RBMS3: variants seen among roughly 807,000 people sequenced by gnomAD.
RBMS3 encodes the protein RNA binding motif single stranded interacting protein 3, also known as RNA-binding motif, single-stranded-interacting protein 3.
A neutral mutation model predicts 66.8 loss-of-function variants in RBMS3; 27 were observed. That is an observed-to-expected ratio of 0.40 (90% confidence interval 0.30 to 0.56). RBMS3 has a LOEUF of 0.56. Among genes scored for constraint, RBMS3 ranks in the 20% least tolerant of loss-of-function variants. The probability of loss-of-function intolerance (pLI) is 0.40; values close to 1 mark genes in which losing one functional copy is unlikely to be tolerated. For synonymous variants in RBMS3, 188 were observed against 183.0 expected, an observed-to-expected ratio of 1.03 and a Z score of -0.22; for missense variants, 513 against 549.5, an observed-to-expected ratio of 0.93 and a Z score of 0.66.
At chr3:29,900,035 C>T (rs1394127766) in intron 10 of RBMS3, among the ~76,000 whole-genome samples, 1 of 151,570 alleles carries the variant, frequency 6.6e-6, no homozygotes, top group Non-Finnish European at 1.5e-5. Context: ...GAAGAAATAG[C>T]AATCAACCAT....
At chr3:29,967,751 T>C (rs1198310253) in intron 12 of RBMS3, among the ~76,000 whole-genome samples, 2 of 152,226 alleles carry the variant, frequency 1.3e-5, no homozygotes, top group Non-Finnish European at 2.9e-5. Flanking sequence ...CTAGTTTATG[T>C]GTGTAAATGT....
chr3:29,850,951 C>T (rs1438395093), intron 6 of RBMS3, among the ~76,000 whole-genome samples: 1 of 152,188 alleles, frequency 6.6e-6, no homozygotes, highest in Non-Finnish European at 1.5e-5. Flanking sequence ...GCTGAGTACA[C>T]ACTAACCTCA....
intron 10 of RBMS3, among the ~76,000 whole-genome samples, chr3:29,916,268 A>G (rs1396027928): frequency 6.6e-6 from 1 of 151,982 alleles, no homozygotes; most frequent in Non-Finnish European, 1.5e-5. Context: ...TTTTGGTGCT[A>G]TACAGATTCA....
At chr3:29,625,557 G>A (rs921967460) in intron 4 of RBMS3, among the ~76,000 whole-genome samples, 4 of 152,012 alleles carry the variant, frequency 2.6e-5, no homozygotes, top group Non-Finnish European at 4.4e-5. Flanking sequence ...ACTGGGCTGG[G>A]TGTGGTGGTG....
At chr3:29,650,279 C>CTT (rs560594950) in intron 4 of RBMS3, among the ~76,000 whole-genome samples, 43 of 96,212 alleles carry the variant, frequency 4.5e-4, no homozygotes, top group African/African-American at 1.1e-3. Context: ...TCCTTTCTTT[C>CTT]TTTTTTTTTT....
At position 30,007,286 on chromosome 3, in the gene RBMS3, C is replaced by T. The variant is rs1413397110; in HGVS notation, c.*3424C>T. The T allele has an allele frequency of 2.0e-5, 3 of 151,896 alleles. No homozygotes were observed. The highest frequency in any genetic ancestry group is 2.9e-5 in the Non-Finnish European group (2 of 67,942). 9.4% of individuals were successfully genotyped at this position (151,896 alleles called of 1,614,324 possible). ...TGTTTGTTTGTTTGAGACGGAGTCT[C>T]GCTCTGTCGCCCATCCTAACTAGGA... On this transcript the variant is annotated 3_prime_UTR_variant, in exon 15 of 15. Coordinates refer to ENST00000383767, the MANE Select transcript of RBMS3 (RefSeq NM_001003793.3).
intron 3 of RBMS3, among the ~76,000 whole-genome samples, chr3:29,585,200 C>T (rs906534493): frequency 1.3e-5 from 2 of 152,082 alleles, no homozygotes; most frequent in African/African-American, 2.4e-5. Context: ...GATTGGCCAA[C>T]GTGTAAGGTA....
intron 3 of RBMS3, among the ~76,000 whole-genome samples, chr3:29,572,885 G>A (rs2046992660): frequency 6.6e-6 from 1 of 152,088 alleles, no homozygotes; most frequent in South Asian, 2.1e-4. Context: ...CAGTGAATCT[G>A]TTGGGTCCTG....
At chr3:29,975,545 C>T (rs147092964) in intron 12 of RBMS3, among the ~76,000 whole-genome samples, 160 of 151,820 alleles carry the variant, frequency 1.1e-3, no homozygotes, top group African/African-American at 3.7e-3. Context: ...TGCATATTAT[C>T]GTTTACATCA....
At chr3:29,760,855 T>G (rs1041495054) in intron 5 of RBMS3, among the ~76,000 whole-genome samples, 2 of 152,086 alleles carry the variant, frequency 1.3e-5, no homozygotes, top group African/African-American at 4.8e-5. Context: ...AAAATGCTGT[T>G]TTTGTTTTTA....
chr3:29,884,276 A>T (rs1393965452), intron 8 of RBMS3, 68 bp downstream of exon 8: 14 of 1,422,182 alleles, frequency 9.8e-6, no homozygotes, highest in Non-Finnish European at 1.3e-5. Context: ...AACATCAAAG[A>T]AAAATGTTAA....
At chr3:29,847,648 T>TA (rs1454463816) in intron 6 of RBMS3, among the ~76,000 whole-genome samples, 1 of 151,844 alleles carries the variant, frequency 6.6e-6, no homozygotes, top group African/African-American at 2.4e-5. Context: ...GTGTTTTATT[T>TA]TTTTTTTTTT....
intron 12 of RBMS3, among the ~76,000 whole-genome samples, chr3:29,944,619 C>T (rs1431136595): frequency 6.6e-6 from 1 of 151,554 alleles, no homozygotes; most frequent in Non-Finnish European, 1.5e-5. Context: ...AAAGACGGCA[C>T]AGATTAATAA....
chr3:29,701,277 CAAAAG>C (rs1206089177), intron 4 of RBMS3, among the ~76,000 whole-genome samples: 1 of 145,814 alleles, frequency 6.9e-6, no homozygotes, highest in Non-Finnish European at 1.5e-5. Context: ...GACTCTGTCT[CAAAAG>C]AAAAAAAAAA....
rs141981920 is a variant in RBMS3 at position 29,486,358 on chromosome 3, T to G, written c.249-2083T>G. Among the ~76,000 whole-genome samples the G allele has an allele frequency of 4.9e-3, 739 of 152,278 alleles. 5 individuals carry two copies. Among genetic ancestry groups the G allele is most frequent in the African/African-American group, 0.017 (704 of 41,578 alleles). ...AGCCATGGAATGAAATTCCTGTTAC[T>G]CCAGTCATAGTAGATGTTGCGTCAA... On this transcript the variant is annotated intron_variant, in intron 2 of 14. Transcript: ENST00000383767.
intron 1 of RBMS3, among the ~76,000 whole-genome samples, chr3:29,368,977 A>C (rs1220092840): frequency 1.3e-5 from 2 of 152,184 alleles, no homozygotes; most frequent in Non-Finnish European, 2.9e-5. Flanking sequence ...AGTACTGTGC[A>C]GGCATAAAAA....
At chr3:29,469,649 TG>T (rs973861458) in intron 2 of RBMS3, among the ~76,000 whole-genome samples, 9 of 147,220 alleles carry the variant, frequency 6.1e-5, no homozygotes, top group African/African-American at 2.0e-4. Context: ...ACAACTAACA[TG>T]GGAAAAACTA....
intron 11 of RBMS3, among the ~76,000 whole-genome samples, chr3:29,936,959 A>G (rs1332210714): frequency 1.3e-5 from 2 of 152,108 alleles, no homozygotes; most frequent in Non-Finnish European, 2.9e-5. Flanking sequence ...TACAGAGAAC[A>G]ATGAAACCAT....
chr3:29,326,965 C>T (rs571776153), intron 1 of RBMS3, among the ~76,000 whole-genome samples: 53 of 152,218 alleles, frequency 3.5e-4, no homozygotes, highest in African/African-American at 1.2e-3. Flanking sequence ...CTCCTGACCT[C>T]ATGATCTGCC....
Sources: gnomAD v4.1 joint callset for allele counts (sites outside exome capture counted in the v4.1 genomes callset) on GRCh38, gnomAD v4.1.1 for gene constraint, MANE v1.5 for transcripts, NCBI Gene and HGNC (gene_info 2026-07-23, HGNC 2026-07-21) for gene names.